ABLIM3: variants seen among roughly 807,000 people sequenced by gnomAD.
ABLIM3 encodes the protein actin binding LIM protein family member 3, also known as actin-binding LIM protein 3.
In ABLIM3, 61 loss-of-function variants were observed where a neutral mutation model predicts 109.5. The observed-to-expected ratio is 0.56, with a 90% confidence interval of 0.45 to 0.69. The LOEUF (loss-of-function observed/expected upper bound fraction) is 0.69, where lower values mean the gene tolerates loss of function less well. Among genes scored for constraint, ABLIM3 ranks in the 30% least tolerant of loss-of-function variants. ABLIM3 has a pLI of 0.00. For synonymous variants in ABLIM3, 300 were observed against 324.8 expected, an observed-to-expected ratio of 0.92 and a Z score of 0.82; for missense variants, 796 against 889.5, an observed-to-expected ratio of 0.89 and a Z score of 1.34.
rs1166240066 is a variant in ABLIM3, at chr5:149,249,860, C to G, written c.1729+16C>G. On this transcript the variant is annotated intron_variant, in intron 19 of 23. Coordinates refer to ENST00000309868, the MANE Select transcript of ABLIM3 (RefSeq NM_014945.5). The stretch of plus-strand genomic sequence containing the variant: ...GCTGACAGTGGTAAGTTCTACCTGC[C>G]CTACCTTCAGCCCATCATGTCCCAT... 6.2e-7 allele frequency: 1 copy of G among 1,614,160 alleles called. No homozygotes were observed. Among genetic ancestry groups the G allele is most frequent in the Non-Finnish European group, 8.5e-7 (1 of 1,179,984 alleles).
At chr5:149,207,609 G>T (rs1202706629) in intron 6 of ABLIM3, among the ~76,000 whole-genome samples, 2 of 152,150 alleles carry the variant, frequency 1.3e-5, no homozygotes, top group African/African-American at 2.4e-5. Flanking sequence ...CCTCATAACT[G>T]CCCCTTTGAG....
intron 2 of ABLIM3, among the ~76,000 whole-genome samples, chr5:149,142,804 A>C (rs934160538): frequency 2.0e-5 from 3 of 152,188 alleles, no homozygotes; most frequent in Non-Finnish European, 4.4e-5. Context: ...GGCCTCAGCT[A>C]CTGAGAATGC....
In ABLIM3 at chr5:149,238,245, G is replaced by A. The variant is rs190904376; in HGVS notation, c.1044+642G>A. 4.5e-4 allele frequency among the ~76,000 whole-genome samples: 68 copies of A among 152,300 alleles called. 1 individual carries two copies. Among genetic ancestry groups the A allele is most frequent in the Non-Finnish European group, 4.4e-5 (3 of 68,022 alleles). ...GGGGCAGAATTACCCTGGAGGTCCTGGCAGTCTATATCCTAGAAGATTTCT... is the reference window on the plus strand; with the variant it reads ...GGGGCAGAATTACCCTGGAGGTCCTAGCAGTCTATATCCTAGAAGATTTCT... On this transcript the variant is annotated intron_variant, in intron 11 of 23. Coordinates refer to ENST00000309868, the MANE Select transcript of ABLIM3 (RefSeq NM_014945.5).
At chr5:149,149,616 A>G (rs897305613) in intron 2 of ABLIM3, among the ~76,000 whole-genome samples, 7 of 152,210 alleles carry the variant, frequency 4.6e-5, no homozygotes, top group African/African-American at 1.7e-4. Flanking sequence ...TCGGGCCAAA[A>G]TTTGGATGGT....
Position 149,172,848 on chromosome 5 carries a change from C to T in ABLIM3, c.14-10604C>T, listed in dbSNP as rs575035593. On this transcript the variant is annotated intron_variant, in intron 2 of 23. Coordinates refer to ENST00000309868, the MANE Select transcript of ABLIM3 (RefSeq NM_014945.5). ...TTTAACATGCATAGAAAATTATAACCGAAAGGAAACAGAGATGACAGAATG... is the reference window on the plus strand; with the variant it reads ...TTTAACATGCATAGAAAATTATAACTGAAAGGAAACAGAGATGACAGAATG... Among the ~76,000 whole-genome samples, 12 of 152,206 alleles carry T rather than the reference C, an allele frequency of 7.9e-5. No individual in the cohort carries two copies. The East Asian group carries it at 9.7e-4, about 12-fold the overall frequency.
rs1353355891 is a variant in ABLIM3 at position 149,198,162 on chromosome 5, T to TGCTTACAGACCCTCC, written c.152-56_152-42dup. On this transcript the variant is annotated intron_variant, in intron 3 of 23. Coordinates refer to ENST00000309868, the MANE Select transcript of ABLIM3 (RefSeq NM_014945.5). The surrounding 1 kb of genome is among the most constrained non-coding windows in gnomAD (Gnocchi z 4.2). ...AGCCTTTCCCCCAGCGAGGACCTTC[T>TGCTTACAGACCCTCC]GCTTACAGACCCTCCCTGGACTCAA... 6.5e-7 allele frequency: 1 copy of TGCTTACAGACCCTCC among 1,532,266 alleles called. No individual in the cohort carries two copies. Among genetic ancestry groups the TGCTTACAGACCCTCC allele is most frequent in the African/African-American group, 1.4e-5 (1 of 72,646 alleles). 94.9% of individuals were successfully genotyped at this position (1,532,266 alleles called of 1,614,324 possible). A position where few individuals can be genotyped will look rare whatever the true frequency, so the allele number is the denominator to read the frequency against.
chr5:149,194,386 G>A (rs998825871), intron 3 of ABLIM3, among the ~76,000 whole-genome samples: 6 of 152,166 alleles, frequency 3.9e-5, no homozygotes, highest in South Asian at 2.1e-4. Flanking sequence ...ATATTACTAA[G>A]TACTGTTGAT....
chr5:149,240,359 G>C, intron 13 of ABLIM3: 1 of 430,256 alleles, frequency 2.3e-6, no homozygotes, highest in Non-Finnish European at 4.2e-6. Context: ...CGTCCAAAAG[G>C]GGGAGGTTCA....
intron 6 of ABLIM3, among the ~76,000 whole-genome samples, chr5:149,208,350 GTCTCTCTCTC>G (rs10564662): frequency 0.069 from 9,160 of 132,290 alleles, 379 homozygotes; most frequent in Non-Finnish European, 0.1. Flanking sequence ...CTATCTTTTT[GTCTCTCTCTC>G]TCTCTCTCTC....
intron 10 of ABLIM3, 70 bp from the exon 11 acceptor site, chr5:149,237,378 G>A (rs1459732765): frequency 1.3e-6 from 2 of 1,505,112 alleles, no homozygotes; most frequent in African/African-American, 2.8e-5. Context: ...TCTTGTTTTT[G>A]TTTCCTCTCT....
chr5:149,242,374 AG>A, intron 14 of ABLIM3, 116 bp from the exon 15 acceptor site: 1 of 998,212 alleles, frequency 1.0e-6, no homozygotes, highest in Non-Finnish European at 1.5e-6. Context: ...CCTTGGAAAA[AG>A]TTGTTGCCCA....
chr5:149,244,779 C>A, intron 15 of ABLIM3, 102 bp from the exon 16 acceptor site: 1 of 1,461,792 alleles, frequency 6.8e-7, no homozygotes, highest in Non-Finnish European at 9.5e-7. Context: ...TTGAAGTGGA[C>A]TCACTCCCCT....
chr5:149,169,660 T>C (rs959627983), intron 2 of ABLIM3, among the ~76,000 whole-genome samples: 5 of 152,158 alleles, frequency 3.3e-5, no homozygotes, highest in South Asian at 2.1e-4. Flanking sequence ...AGAGAGTCTG[T>C]TCACAGAAGA....
chr5:149,230,530 C>T (rs1420925712), intron 8 of ABLIM3, 119 bp from the exon 9 acceptor site: 1 of 1,048,786 alleles, frequency 9.5e-7, no homozygotes, highest in Non-Finnish European at 1.5e-6. Flanking sequence ...GCCAAGAGGG[C>T]CCTTCTGGCA....
intron 14 of ABLIM3, 103 bp downstream of exon 14, chr5:149,240,877 T>C: frequency 1.8e-6 from 2 of 1,087,070 alleles, no homozygotes; most frequent in South Asian, 2.6e-5. Context: ...AAGAAGCTGG[T>C]TCCTGAGGGA....
At chr5:149,252,931 G>A in intron 23 of ABLIM3, 94 bp downstream of exon 23, 1 of 938,096 alleles carries the variant, frequency 1.1e-6, no homozygotes, top group Non-Finnish European at 1.7e-6. Flanking sequence ...GGTGGAATGA[G>A]TGGCTTTAAG....
intron 5 of ABLIM3, among the ~76,000 whole-genome samples, chr5:149,206,159 G>A (rs185687002): frequency 3.9e-5 from 6 of 152,150 alleles, no homozygotes; most frequent in East Asian, 3.8e-4. Flanking sequence ...CTCCATTTCC[G>A]GACCCTCCTC....
chr5:149,219,888 A>G (rs1340934218), intron 8 of ABLIM3: 1 of 152,126 alleles, frequency 6.6e-6, no homozygotes, highest in Non-Finnish European at 1.5e-5. Flanking sequence ...AGAATAAACC[A>G]CGTCTTTGCC....
At chr5:149,155,879 C>G (rs1269055252) in intron 2 of ABLIM3, among the ~76,000 whole-genome samples, 1 of 152,208 alleles carries the variant, frequency 6.6e-6, no homozygotes, top group African/African-American at 2.4e-5. Flanking sequence ...TTGTTACAAT[C>G]TACAGCCAAT....
Sources: allele counts gnomAD v4.1 joint callset (sites outside exome capture counted in the v4.1 genomes callset), GRCh38; gene constraint gnomAD v4.1.1; non-coding constraint Gnocchi (gnomAD v3.1); transcripts MANE v1.5; gene names NCBI Gene and HGNC (gene_info 2026-07-23, HGNC 2026-07-21).